CSMD1: variants seen among roughly 807,000 people sequenced by gnomAD.
CSMD1 encodes CUB and sushi domain-containing protein 1.
CSMD1 carries 213 observed loss-of-function variants against 417.5 expected under a neutral mutation model. The ratio of observed to expected loss-of-function variants is 0.51; its 90% CI spans 0.46 to 0.57. The LOEUF (loss-of-function observed/expected upper bound fraction) is 0.57, where lower values mean the gene tolerates loss of function less well. Among genes scored for constraint, CSMD1 ranks in the 20% least tolerant of loss-of-function variants. CSMD1 has a pLI of 0.00. For synonymous variants in CSMD1, 2,862 were observed against 1,736.8 expected (o/e 1.65, Z -16.11); for missense variants, 6,923 against 4,529.7 (o/e 1.53, Z -15.17).
intron 20 of CSMD1, among the ~76,000 whole-genome samples, chr8:3,366,759 C>A (rs77885611): frequency 0.03 from 4,585 of 152,280 alleles, 93 homozygotes; most frequent in East Asian, 0.08. Context: ...AAGGGCTTTG[C>A]AGAATGTAGT....
chr8:3,318,877 G>A (rs1234473566), intron 23 of CSMD1, among the ~76,000 whole-genome samples: 3 of 152,148 alleles, frequency 2.0e-5, no homozygotes, highest in Non-Finnish European at 4.4e-5. Flanking sequence ...GCAGGTGGGT[G>A]ACTGTAAACT....
At chr8:4,214,088 T>C (rs1000183557) in intron 3 of CSMD1, among the ~76,000 whole-genome samples, 1 of 152,158 alleles carries the variant, frequency 6.6e-6, no homozygotes, top group South Asian at 2.1e-4. Flanking sequence ...TTATCCAGCA[T>C]CTTACTCCCT....
At chr8:4,788,459 G>C in intron 1 of CSMD1, 7 of 1,326,582 alleles carry the variant, frequency 5.3e-6, no homozygotes, top group Non-Finnish European at 7.6e-6. Context: ...AGAAGGATCA[G>C]CTCAATTTAC....
chr8:2,963,402 C>T lies in CSMD1; in HGVS notation c.9281-7G>A, dbSNP rs767455949. 1 of 1,612,708 alleles carries T rather than the reference C, an allele frequency of 6.2e-7. No homozygotes were observed. The highest frequency in any genetic ancestry group is 8.5e-7 in the Non-Finnish European group (1 of 1,178,858). ...GGCTGAGGACACAGCACGGCTATTT[C>T]CAAAGAACAAACAAGATCAACATTC... On this transcript the variant is annotated splice_polypyrimidine_tract_variant and splice_region_variant and intron_variant, in intron 59 of 69. Transcript: ENST00000635120.
At chr8:4,069,520 G>T (rs781506864) in intron 3 of CSMD1, among the ~76,000 whole-genome samples, 1 of 152,106 alleles carries the variant, frequency 6.6e-6, no homozygotes, top group Non-Finnish European at 1.5e-5. Context: ...GCTAATGATC[G>T]ATGATTTGTT....
chr8:4,871,898 T>A (rs962431162), intron 1 of CSMD1, among the ~76,000 whole-genome samples: 2 of 152,088 alleles, frequency 1.3e-5, no homozygotes, highest in Non-Finnish European at 2.9e-5. Flanking sequence ...TGTCTTTCCT[T>A]GCAATTCTGT....
chr8:3,892,372 T>C (rs1031546248), intron 5 of CSMD1, among the ~76,000 whole-genome samples: 2 of 152,060 alleles, frequency 1.3e-5, no homozygotes, highest in African/African-American at 4.8e-5. Context: ...TATTATGCTT[T>C]CTATGTGTTA....
Position 4,963,079 on chromosome 8 carries a change from C to T in CSMD1, c.85+31253G>A, listed in dbSNP as rs531828308. The stretch of plus-strand genomic sequence containing the variant: ...TGCACCCAGGAGCTCAGGTGTTATG[C>T]CTCTCCAGGCCTCCGCAAGAATATA... On this transcript the variant is annotated intron_variant, in intron 1 of 69. Transcript: ENST00000635120. Among the ~76,000 whole-genome samples the T allele has an allele frequency of 2.0e-5, 3 of 152,290 alleles. No homozygotes were observed. The East Asian group carries it at 5.8e-4, about 29-fold the overall frequency.
intron 10 of CSMD1, among the ~76,000 whole-genome samples, chr8:3,524,658 C>T (rs1216651548): frequency 6.7e-6 from 1 of 149,794 alleles, no homozygotes; most frequent in Non-Finnish European, 1.5e-5. Context: ...CACACACAGA[C>T]CCATGCAAAA....
intron 40 of CSMD1, 33 bp from the exon 41 acceptor site, chr8:3,142,707 C>T (rs1383584985): frequency 6.6e-7 from 1 of 1,517,444 alleles, no homozygotes; most frequent in Admixed American, 1.7e-5. Context: ...AATGAAAGTT[C>T]ATATCAAAAT....
chr8:4,071,294 C>G (rs139815026), intron 3 of CSMD1, among the ~76,000 whole-genome samples: 317 of 152,174 alleles, frequency 2.1e-3, no homozygotes, highest in African/African-American at 7.1e-3. Flanking sequence ...GTCTTATTTT[C>G]TCTATATTCT....
At chr8:4,165,672 G>T (rs976611281) in intron 3 of CSMD1, among the ~76,000 whole-genome samples, 1 of 152,148 alleles carries the variant, frequency 6.6e-6, no homozygotes, top group African/African-American at 2.4e-5. Context: ...CAAAGTGCCG[G>T]AATTACAGGC....
chr8:3,737,184 A>C (rs1796564179), intron 6 of CSMD1, among the ~76,000 whole-genome samples: 1 of 152,098 alleles, frequency 6.6e-6, no homozygotes, highest in South Asian at 2.1e-4. Flanking sequence ...TTCCTACCCT[A>C]ATCACAAACA....
At chr8:4,817,037 G>A (rs554027464) in intron 1 of CSMD1, among the ~76,000 whole-genome samples, 1 of 152,276 alleles carries the variant, frequency 6.6e-6, no homozygotes, top group East Asian at 1.9e-4. Context: ...GGAAATGCGT[G>A]TTAAGATTTA....
At chr8:4,298,840 T>C (rs1053600950) in intron 3 of CSMD1, among the ~76,000 whole-genome samples, 1 of 152,022 alleles carries the variant, frequency 6.6e-6, no homozygotes, top group South Asian at 2.1e-4. Context: ...TAATAAAAAA[T>C]TATTTCTGGA....
intron 12 of CSMD1, among the ~76,000 whole-genome samples, chr8:3,439,706 G>C (rs981602762): frequency 1.3e-5 from 2 of 151,856 alleles, no homozygotes; most frequent in Non-Finnish European, 2.9e-5. Flanking sequence ...ATTATGTTTT[G>C]GGGGACAAGT....
chr8:3,235,989 C>T (rs1039490743), intron 26 of CSMD1, among the ~76,000 whole-genome samples: 7 of 143,408 alleles, frequency 4.9e-5, no homozygotes, highest in Non-Finnish European at 1.0e-4. Context: ...ACAATCTCGG[C>T]TCACTGCAAG....
chr8:4,372,111 C>G (rs1168794130), intron 3 of CSMD1, among the ~76,000 whole-genome samples: 2 of 152,158 alleles, frequency 1.3e-5, no homozygotes, highest in East Asian at 1.9e-4. Flanking sequence ...AGTGCAAAGT[C>G]CATTTACTGA....
intron 1 of CSMD1, among the ~76,000 whole-genome samples, chr8:4,887,599 G>C (rs1174788150): frequency 6.6e-6 from 1 of 151,620 alleles, no homozygotes; most frequent in African/African-American, 2.4e-5. Context: ...ATCTATTTCT[G>C]CTTTTTAATT....
Sources: allele counts gnomAD v4.1 joint callset (sites outside exome capture counted in the v4.1 genomes callset), GRCh38; gene constraint gnomAD v4.1.1; transcripts MANE v1.5; gene names NCBI Gene and HGNC (gene_info 2026-07-23, HGNC 2026-07-21).